RUNX2: variants seen among roughly 807,000 people sequenced by gnomAD.
RUNX2 encodes RUNX family transcription factor 2.
In RUNX2, 10 loss-of-function variants were observed where a neutral mutation model predicts 51.7. The observed-to-expected ratio is 0.19, with a 90% CI of 0.12 to 0.33. The LOEUF (loss-of-function observed/expected upper bound fraction) is 0.33. RUNX2 is among the 10% of genes least tolerant of loss of function. The probability of loss-of-function intolerance (pLI) is 1.00; values close to 1 mark genes in which losing one functional copy is unlikely to be tolerated. For missense variants in RUNX2, 562 were observed against 691.3 expected, an observed-to-expected ratio of 0.81 and a Z score of 2.10; for synonymous variants, 276 against 273.6, an observed-to-expected ratio of 1.01 and a Z score of -0.09.
intron 3 of RUNX2, among the ~76,000 whole-genome samples, chr6:45,431,366 G>A (rs1798537227): frequency 6.6e-6 from 1 of 152,126 alleles, no homozygotes; most frequent in Non-Finnish European, 1.5e-5. Flanking sequence ...ACGATATCTA[G>A]GCTCTATGTA....
chr6:45,400,323 A>G (rs1343110287), intron 2 of RUNX2, among the ~76,000 whole-genome samples: 2 of 152,096 alleles, frequency 1.3e-5, no homozygotes, highest in African/African-American at 2.4e-5. Context: ...CAGTGGCTGG[A>G]TCCTTTATGA....
At chr6:45,460,137 T>C (rs1429607925) in intron 5 of RUNX2, among the ~76,000 whole-genome samples, 1 of 152,090 alleles carries the variant, frequency 6.6e-6, no homozygotes, top group East Asian at 1.9e-4. Context: ...TTTAAAGTCA[T>C]AGGACTGGAA....
intron 2 of RUNX2, among the ~76,000 whole-genome samples, chr6:45,396,196 A>C (rs1563067278): frequency 6.6e-6 from 1 of 152,220 alleles, no homozygotes; most frequent in Non-Finnish European, 1.5e-5. Flanking sequence ...TAATTCTCAG[A>C]TATTACATAA....
chr6:45,412,339 G>A (rs1018061312), intron 2 of RUNX2, among the ~76,000 whole-genome samples: 3 of 152,066 alleles, frequency 2.0e-5, no homozygotes, highest in African/African-American at 7.2e-5. Context: ...CTGGGTGACA[G>A]AGAGAGACCC....
At chr6:45,378,301 G>A (rs905793097) in intron 2 of RUNX2, among the ~76,000 whole-genome samples, 1 of 152,202 alleles carries the variant, frequency 6.6e-6, no homozygotes, top group Non-Finnish European at 1.5e-5. Flanking sequence ...TGAAGGATTG[G>A]GTGACCGGCA....
chr6:45,340,039 A>G (rs895464330), intron 2 of RUNX2, among the ~76,000 whole-genome samples: 1 of 152,204 alleles, frequency 6.6e-6, no homozygotes, highest in Non-Finnish European at 1.5e-5. Flanking sequence ...AAGAGATGGG[A>G]TTCCAACCCA....
intron 2 of RUNX2, among the ~76,000 whole-genome samples, chr6:45,349,171 G>A (rs1332537094): frequency 6.6e-6 from 1 of 152,036 alleles, no homozygotes; most frequent in African/African-American, 2.4e-5. Context: ...ACACTAGAGG[G>A]GGAAAAAAGA....
At chr6:45,446,170 G>C (rs73441959) in intron 5 of RUNX2, among the ~76,000 whole-genome samples, 1 of 152,162 alleles carries the variant, frequency 6.6e-6, no homozygotes, top group Non-Finnish European at 1.5e-5. Flanking sequence ...AAACATGCTC[G>C]TGTCCCTCCT....
In RUNX2 at chr6:45,538,676, T is replaced by C. The variant is rs114702388; in HGVS notation, c.1022-6541T>C. Reference sequence around the variant, plus strand: ...TTTTTCCTCCTTTTTTCCTTTTTTTTTTTGGCTGGCTAATCGGAGGAACGC... The same window carrying C: ...TTTTTCCTCCTTTTTTCCTTTTTTTCTTTGGCTGGCTAATCGGAGGAACGC... On this transcript the variant is annotated intron_variant, in intron 7 of 8. Coordinates refer to ENST00000647337, the MANE Select transcript of RUNX2 (RefSeq NM_001024630.4). 8.9e-3 allele frequency among the ~76,000 whole-genome samples: 1,351 copies of C among 152,214 alleles called. 22 individuals carry two copies. The highest frequency in any genetic ancestry group is 0.03 in the African/African-American group (1,236 of 41,532).
intron 4 of RUNX2, among the ~76,000 whole-genome samples, chr6:45,434,196 C>T (rs1798618617): frequency 6.6e-6 from 1 of 152,020 alleles, no homozygotes; most frequent in South Asian, 2.1e-4. Context: ...ACAGATCACA[C>T]TCTGAAAAAA....
chr6:45,528,230 T>C (rs765647165), intron 7 of RUNX2, among the ~76,000 whole-genome samples: 2 of 152,178 alleles, frequency 1.3e-5, no homozygotes, highest in Admixed American at 6.5e-5. Flanking sequence ...AGATGAAATT[T>C]GGATGGGGAC....
chr6:45,464,150 G>A (rs964104402), intron 5 of RUNX2, among the ~76,000 whole-genome samples: 5 of 151,518 alleles, frequency 3.3e-5, no homozygotes, highest in Non-Finnish European at 7.4e-5. Context: ...CCGAGATCAC[G>A]CCCCTGCATT....
chr6:45,530,561 C>T (rs528065688), intron 7 of RUNX2, among the ~76,000 whole-genome samples: 57 of 152,344 alleles, frequency 3.7e-4, no homozygotes, highest in Admixed American at 7.2e-4. Flanking sequence ...TGGACTCTGG[C>T]AGCTTATCAA....
At chr6:45,357,535 G>A (rs74482161) in intron 2 of RUNX2, among the ~76,000 whole-genome samples, 3,932 of 151,854 alleles carry the variant, frequency 0.026, 187 homozygotes, top group African/African-American at 0.089. Flanking sequence ...TATGTTGCCC[G>A]GGCTAGTCTC....
chr6:45,500,116 C>T (rs148769944), intron 6 of RUNX2, among the ~76,000 whole-genome samples: 253 of 152,196 alleles, frequency 1.7e-3, no homozygotes, highest in Non-Finnish European at 2.8e-3. Flanking sequence ...TAGGCCTGCG[C>T]TTTGTGCAAA....
chr6:45,331,277 A>G (rs1373362815), intron 2 of RUNX2, among the ~76,000 whole-genome samples: 1 of 152,066 alleles, frequency 6.6e-6, no homozygotes, highest in Non-Finnish European at 1.5e-5. Flanking sequence ...AAAATCACAG[A>G]TGTGACTCAT....
intron 2 of RUNX2, among the ~76,000 whole-genome samples, chr6:45,355,299 A>C (rs1467472351): frequency 6.6e-6 from 1 of 152,072 alleles, no homozygotes; most frequent in Non-Finnish European, 1.5e-5. Flanking sequence ...TTAATAATTA[A>C]GGTGTTAATT....
intron 5 of RUNX2, among the ~76,000 whole-genome samples, chr6:45,471,960 ATTAAAG>A (rs1471055963): frequency 2.6e-5 from 4 of 152,186 alleles, no homozygotes; most frequent in South Asian, 2.1e-4. Context: ...CCAGTATACT[ATTAAAG>A]TTAAACTTTG....
At chr6:45,502,161 G>C (rs1055658830) in intron 6 of RUNX2, among the ~76,000 whole-genome samples, 3 of 152,040 alleles carry the variant, frequency 2.0e-5, no homozygotes, top group Non-Finnish European at 2.9e-5. Flanking sequence ...CTACATTTTT[G>C]CCATGTTGTG....
Sources: gnomAD v4.1 joint callset for allele counts (sites outside exome capture counted in the v4.1 genomes callset) on GRCh38, gnomAD v4.1.1 for gene constraint, MANE v1.5 for transcripts, NCBI Gene and HGNC (gene_info 2026-07-23, HGNC 2026-07-21) for gene names.